Variants in NELFB observed in about 807,000 individuals in gnomAD.
NELFB encodes negative elongation factor complex member B.
A neutral mutation model predicts 60.2 loss-of-function variants in NELFB; 34 were observed. The ratio of observed to expected loss-of-function variants is 0.56; its 90% confidence interval spans 0.43 to 0.75. NELFB has a LOEUF of 0.75. Among genes scored for constraint, NELFB ranks in the 30% least tolerant of loss-of-function variants. The pLI is 0.00. For missense variants in NELFB, 770 were observed against 831.6 expected, an observed-to-expected ratio of 0.93 and a Z score of 0.91; for synonymous variants, 459 against 382.1, an observed-to-expected ratio of 1.20 and a Z score of -2.35.
In NELFB at chr9:137,255,336, ACG is replaced by A; in HGVS notation, c.-23_-22del. Reference sequence around the variant, plus strand: ...CGGGGCGGAAGTGGGCGGCTGCGGGACGCGCGCGGAGTCGCGCGGCGGGCGGG... The same window carrying A: ...CGGGGCGGAAGTGGGCGGCTGCGGGACGCGCGGAGTCGCGCGGCGGGCGGG... On this transcript the variant is annotated 5_prime_UTR_variant, in exon 1 of 13. Coordinates refer to ENST00000343053, the MANE Select transcript of NELFB (RefSeq NM_015456.5). The A allele has an allele frequency of 2.8e-6, 1 of 353,412 alleles. No individual in the cohort carries two copies. The highest frequency in any genetic ancestry group is 4.8e-6 in the Non-Finnish European group (1 of 209,216). The allele number at this position is 353,412 out of a possible 1,614,324, so 21.9% of individuals were successfully genotyped here.
chr9:137,266,053 T>C (rs900404973), intron 7 of NELFB, 74 bp downstream of exon 7: 2 of 1,209,010 alleles, frequency 1.7e-6, no homozygotes, highest in Non-Finnish European at 1.2e-6. Context: ...GGTCAGGGTG[T>C]GGACAGCAGC....
Position 137,272,970 on chromosome 9 carries a change from C to T in NELFB, c.*42C>T, listed in dbSNP as rs1020496359. ...CTCGGGTGCTGGGGCCATGCCGAGT[C>T]GCGGCCCTGCTCAGCCGGAAGAGGC... On this transcript the variant is annotated 3_prime_UTR_variant, in exon 13 of 13. Coordinates refer to ENST00000343053, the MANE Select transcript of NELFB (RefSeq NM_015456.5). 3.2e-5 allele frequency: 47 copies of T among 1,468,468 alleles called. No homozygotes were observed. The highest frequency in any genetic ancestry group is 2.0e-4 in the Admixed American group (8 of 39,546). The allele number at this position is 1,468,468 out of a possible 1,614,324, so 91.0% of individuals were successfully genotyped here.
chr9:137,264,708 C>G (rs957228293), intron 6 of NELFB, among the ~76,000 whole-genome samples: 6 of 152,212 alleles, frequency 3.9e-5, no homozygotes, highest in Admixed American at 1.3e-4. Flanking sequence ...CTCAGGTGAT[C>G]CACCCGCCTC....
At chr9:137,258,085 A>T (rs1363051178) in intron 4 of NELFB, among the ~76,000 whole-genome samples, 1 of 146,234 alleles carries the variant, frequency 6.8e-6, no homozygotes, top group Non-Finnish European at 1.5e-5. Flanking sequence ...GATTACAGAC[A>T]TGAGGCACCA....
Position 137,256,850 on chromosome 9 carries a change from T to C in NELFB, c.537T>C (p.Val179=), listed in dbSNP as rs756585541. ...TTCCGGAGAAAAAACTGAAGCTGGT[T>C]ATGGCTGACAAGGAGCTGTATCGAG... is the stretch of plus-strand genomic sequence containing the variant. The change falls in exon 4 of 13, where the codon GTT becomes GTC. Residue 179 remains valine (V), a synonymous_variant. Coordinates refer to ENST00000343053, the MANE Select transcript of NELFB (RefSeq NM_015456.5). 1.2e-6 allele frequency: 2 copies of C among 1,614,110 alleles called. No homozygotes were observed. Among genetic ancestry groups the C allele is most frequent in the Non-Finnish European group, 1.7e-6 (2 of 1,180,036 alleles).
intron 4 of NELFB, among the ~76,000 whole-genome samples, chr9:137,261,191 T>G (rs928679691): frequency 4.1e-5 from 6 of 147,200 alleles, no homozygotes; most frequent in African/African-American, 1.5e-4. Flanking sequence ...ATACAAAAAA[T>G]TAGCTGGGCG....
At chr9:137,272,724 C>T in intron 12 of NELFB, 58 bp from the exon 13 acceptor site, 7 of 1,518,958 alleles carry the variant, frequency 4.6e-6, no homozygotes, top group Non-Finnish European at 6.2e-6. Context: ...GCACCCACCC[C>T]TGTGCCCCCT....
In NELFB at chr9:137,267,933, G is replaced by A. The variant is rs1443571732; in HGVS notation, c.1489+587G>A. Among the ~76,000 whole-genome samples the A allele has an allele frequency of 4.6e-5, 7 of 152,238 alleles. 1 individual carries two copies. The highest frequency in any genetic ancestry group is 1.0e-4 in the Non-Finnish European group (7 of 68,050). On this transcript the variant is annotated intron_variant, in intron 10 of 12. Transcript: ENST00000343053. ...TGGCGAGGGGCTTGGGACCCCTCAG[G>A]TGCTCAGAGAATGGAGCAAAGGGGA... is the stretch of plus-strand genomic sequence containing the variant.
intron 4 of NELFB, 81 bp from the exon 5 acceptor site, chr9:137,262,956 C>G (rs986041971): frequency 2.7e-6 from 4 of 1,479,602 alleles, no homozygotes; most frequent in Non-Finnish European, 3.7e-6. Flanking sequence ...GAGAGAGGGC[C>G]GCGCTGTCGC....
Position 137,266,082 on chromosome 9 carries a change from G to A in NELFB, c.1143+103G>A, listed in dbSNP as rs9696832. On this transcript the variant is annotated intron_variant, in intron 7 of 12. Coordinates refer to ENST00000343053, the MANE Select transcript of NELFB (RefSeq NM_015456.5). The stretch of plus-strand genomic sequence containing the variant: ...CAGCAGCGGCCAGGTGGAGGCAGCT[G>A]TTGGGGCCCTGTGGCCGCCCTGCTG... 1,772 of 963,558 alleles carry A rather than the reference G, an allele frequency of 1.8e-3. 21 individuals carry two copies. The African/African-American group carries it at 0.026, about 14-fold the overall frequency. The allele number at this position is 963,558 out of a possible 1,614,324, so 59.7% of individuals were successfully genotyped here.
At chr9:137,261,972 G>A (rs1160534839) in intron 4 of NELFB, among the ~76,000 whole-genome samples, 4 of 114,928 alleles carry the variant, frequency 3.5e-5, no homozygotes, top group Non-Finnish European at 5.8e-5. Flanking sequence ...CTGCCTGGCA[G>A]CCTAGGCAGA....
intron 4 of NELFB, among the ~76,000 whole-genome samples, chr9:137,260,928 G>A (rs1340494947): frequency 6.6e-6 from 1 of 151,438 alleles, no homozygotes; most frequent in Admixed American, 6.6e-5. Flanking sequence ...ACCTGGTGGT[G>A]TGCGCCTGTA....
intron 10 of NELFB, among the ~76,000 whole-genome samples, chr9:137,270,781 C>T (rs964779193): frequency 1.1e-4 from 16 of 151,742 alleles, no homozygotes; most frequent in African/African-American, 2.9e-4. Context: ...ATTAGCCCGG[C>T]GCGGTGGCGC....
At position 137,272,246 on chromosome 9, in the gene NELFB, G is replaced by T. The variant is rs369467693; in HGVS notation, c.1631+24G>T. On this transcript the variant is annotated intron_variant, in intron 11 of 12. Coordinates refer to ENST00000343053, the MANE Select transcript of NELFB (RefSeq NM_015456.5). The stretch of plus-strand genomic sequence containing the variant: ...AGGTAGGCCTGCTGGGTACCATCCG[G>T]CCCGCTCTGTCCTCTCAGCTCTTGT... 33 of 1,612,748 alleles carry T rather than the reference G, an allele frequency of 2.0e-5. No homozygotes were observed. The East Asian group carries it at 6.9e-4, about 34-fold the overall frequency.
chr9:137,265,841 A>C (rs1386659136), intron 6 of NELFB, 36 bp from the exon 7 acceptor site: 4 of 1,399,176 alleles, frequency 2.9e-6, no homozygotes, highest in African/African-American at 2.8e-5. Context: ...GAGGGGCAAC[A>C]GGCGTCGCAT....
chr9:137,266,910 G>C (rs1830524784), intron 8 of NELFB, 34 bp from the exon 9 acceptor site: 4 of 1,608,712 alleles, frequency 2.5e-6, no homozygotes, highest in Admixed American at 1.7e-5. Context: ...CAGGGCCCGG[G>C]CCCGCGCCCG....
intron 5 of NELFB, 136 bp downstream of exon 5, chr9:137,263,358 C>T: frequency 1.5e-6 from 1 of 652,484 alleles, no homozygotes; most frequent in South Asian, 1.9e-5. Context: ...TCCCTCCCTC[C>T]CTCCTTCTCC....
intron 6 of NELFB, 52 bp downstream of exon 6, chr9:137,264,409 G>A (rs1399915994): frequency 6.7e-6 from 9 of 1,346,826 alleles, no homozygotes; most frequent in African/African-American, 2.9e-5. Flanking sequence ...GCGTGCATCC[G>A]GTCTGCGCTT....
At chr9:137,265,519 G>A (rs1437885309) in intron 6 of NELFB, among the ~76,000 whole-genome samples, 6 of 148,984 alleles carry the variant, frequency 4.0e-5, no homozygotes, top group African/African-American at 1.2e-4. Flanking sequence ...CTCCCGAGTA[G>A]CTGGGACCAC....
Sources: gnomAD v4.1 joint callset for allele counts (sites outside exome capture counted in the v4.1 genomes callset) on GRCh38, gnomAD v4.1.1 for gene constraint, MANE v1.5 for transcripts, NCBI Gene and HGNC (gene_info 2026-07-23, HGNC 2026-07-21) for gene names.